Variants in SLC3A2 observed in about 807,000 individuals in gnomAD.
The protein encoded by SLC3A2 is amino acid transporter heavy chain SLC3A2.
In SLC3A2, 32 loss-of-function variants were observed where a neutral mutation model predicts 48.5. The ratio of observed to expected loss-of-function variants is 0.66; its 90% CI spans 0.50 to 0.89. SLC3A2 has a LOEUF of 0.89. SLC3A2 is among the 40% of genes least tolerant of loss of function. The pLI is 0.00. For missense variants in SLC3A2, 587 were observed against 680.7 expected, an observed-to-expected ratio of 0.86 and a Z score of 1.53; for synonymous variants, 277 against 288.8, an observed-to-expected ratio of 0.96 and a Z score of 0.41.
upstream of SLC3A2, among the ~76,000 whole-genome samples, chr11:62,880,170 AG>A (rs1307026846): frequency 3.9e-5 from 6 of 152,180 alleles, no homozygotes; most frequent in Non-Finnish European, 5.9e-5. Context: ...TAGGATAAGA[AG>A]GGGGGTGTCT....
intron 1 of SLC3A2, among the ~76,000 whole-genome samples, chr11:62,861,656 C>G (rs2085399355): frequency 6.6e-6 from 1 of 152,160 alleles, no homozygotes; most frequent in Non-Finnish European, 1.5e-5. Flanking sequence ...TGGCTCATGC[C>G]TGTAATTCCA....
chr11:62,887,265 G>A (rs1033310438), intron 7 of SLC3A2, among the ~76,000 whole-genome samples: 3 of 152,094 alleles, frequency 2.0e-5, no homozygotes, highest in Non-Finnish European at 2.9e-5. Flanking sequence ...ATAGAGAGTA[G>A]CCATAGGAGA....
chr11:62,858,525 G>T (rs2085362867), intron 1 of SLC3A2, among the ~76,000 whole-genome samples: 1 of 152,152 alleles, frequency 6.6e-6, no homozygotes, highest in African/African-American at 2.4e-5. Context: ...GAGTGAAGGG[G>T]TGGGTTGCCC....
chr11:62,869,702 A>G (rs1328976024), intron 1 of SLC3A2, among the ~76,000 whole-genome samples: 1 of 150,970 alleles, frequency 6.6e-6, no homozygotes, highest in Non-Finnish European at 1.5e-5. Context: ...TCAGTTTGTT[A>G]TGGCAAATTG....
intron 1 of SLC3A2, among the ~76,000 whole-genome samples, chr11:62,871,132 T>A (rs1281561645): frequency 6.6e-6 from 1 of 151,716 alleles, no homozygotes; most frequent in African/African-American, 2.4e-5. Flanking sequence ...TCCGCCTGCC[T>A]TGGCCTCCCA....
intron 1 of SLC3A2, chr11:62,871,605 T>C: frequency 1.5e-6 from 1 of 657,478 alleles, no homozygotes; most frequent in South Asian, 1.6e-5. Flanking sequence ...TTACCCAGGC[T>C]GGTCTTCAAC....
At chr11:62,864,430 A>AG (rs1418806364) in intron 1 of SLC3A2, among the ~76,000 whole-genome samples, 1 of 151,828 alleles carries the variant, frequency 6.6e-6, no homozygotes, top group Non-Finnish European at 1.5e-5. Flanking sequence ...CTGAGGCTAT[A>AG]GGCGCGCACC....
upstream of SLC3A2, among the ~76,000 whole-genome samples, chr11:62,878,834 G>A (rs544603732): frequency 3.7e-4 from 56 of 150,974 alleles, no homozygotes; most frequent in Non-Finnish European, 6.9e-4. Context: ...GAGTGCAGCC[G>A]CGCAATCTTG....
chr11:62,885,444 C>T (rs774527250), intron 6 of SLC3A2, 21 bp from the exon 7 acceptor site: 2 of 1,614,154 alleles, frequency 1.2e-6, no homozygotes, highest in Non-Finnish European at 1.7e-6. Context: ...ATGGGGCTCA[C>T]TGGAGTGTCT....
At chr11:62,862,453 C>G (rs2085410712) in intron 1 of SLC3A2, among the ~76,000 whole-genome samples, 1 of 151,558 alleles carries the variant, frequency 6.6e-6, no homozygotes, top group Non-Finnish European at 1.5e-5. Context: ...GGTTTGAGAC[C>G]AGCCTGGGCA....
intron 5 of SLC3A2, 132 bp from the exon 6 acceptor site, chr11:62,885,045 A>G (rs2085691233): frequency 3.2e-6 from 3 of 926,492 alleles, no homozygotes; most frequent in African/African-American, 1.7e-5. Context: ...TGGTCAAGCC[A>G]GTCTCGAACT....
At chr11:62,871,520 G>A (rs1315680075) in intron 1 of SLC3A2, 10 of 562,388 alleles carry the variant, frequency 1.8e-5, no homozygotes, top group Admixed American at 5.2e-5. Context: ...GATTACAGGC[G>A]TGAGCCACTG....
rs142741456 is a variant in SLC3A2 at position 62,885,576 on chromosome 11, A to G, written c.1111A>G (p.Ile371Val). ...CCCTGTTTTCAGCTACGGGGATGAG[A>G]TTGGCCTGGATGCAGCTGCCCTTCC... The part of the protein sequence containing the change: ...GTPVFSYGDE[I>V]GLDAAALPGQ... Residue 371 changes from isoleucine (I) to valine (V), a missense_variant, in exon 7 of 9, where the codon ATT becomes GTT. Physicochemically the swap from Ile to Val is conservative, Grantham distance 29. Coordinates refer to ENST00000338663, the MANE Select transcript of SLC3A2 (RefSeq NM_001013251.3). 40 of 1,613,940 alleles carry G rather than the reference A, an allele frequency of 2.5e-5. No individual in the cohort carries two copies. The highest frequency in any genetic ancestry group is 3.3e-5 in the Non-Finnish European group (39 of 1,180,016).
At chr11:62,858,316 C>G (rs2085360623) in intron 1 of SLC3A2, among the ~76,000 whole-genome samples, 1 of 152,172 alleles carries the variant, frequency 6.6e-6, no homozygotes, top group Admixed American at 6.6e-5. Context: ...ACAGCTCCAG[C>G]TGATTGTTGC....
chr11:62,865,868 C>CG (rs1431371535), intron 1 of SLC3A2, among the ~76,000 whole-genome samples: 1 of 152,092 alleles, frequency 6.6e-6, no homozygotes, highest in African/African-American at 2.4e-5. Flanking sequence ...GCCTCTGTTA[C>CG]GTGTTGGGAG....
chr11:62,871,767 G>T, intron 1 of SLC3A2: 4 of 410,568 alleles, frequency 9.7e-6, no homozygotes, highest in Non-Finnish European at 1.7e-5. Context: ...ACTATTCTCT[G>T]CCCTTTTCTC....
chr11:62,867,394 T>C (rs1386035525), intron 1 of SLC3A2, among the ~76,000 whole-genome samples: 1 of 141,252 alleles, frequency 7.1e-6, no homozygotes, highest in East Asian at 2.2e-4. Context: ...GGCCCGACCT[T>C]GGCTCACTGC....
At chr11:62,856,791 C>T (rs1488080689) in intron 1 of SLC3A2, among the ~76,000 whole-genome samples, 1 of 151,848 alleles carries the variant, frequency 6.6e-6, no homozygotes, top group Non-Finnish European at 1.5e-5. Context: ...TAAACATCTA[C>T]GTGTACAAGC....
At chr11:62,858,679 C>T (rs1011291359) in intron 1 of SLC3A2, among the ~76,000 whole-genome samples, 5 of 152,124 alleles carry the variant, frequency 3.3e-5, no homozygotes, top group African/African-American at 1.2e-4. Context: ...TCTGAGTTCC[C>T]TTAGTATTTA....
Sources: gnomAD v4.1 joint callset for allele counts (sites outside exome capture counted in the v4.1 genomes callset) on GRCh38, gnomAD v4.1.1 for gene constraint, MANE v1.5 for transcripts, NCBI Gene and HGNC (gene_info 2026-07-23, HGNC 2026-07-21) for gene names.